IMMP2L: variants seen among roughly 807,000 people sequenced by gnomAD.
IMMP2L encodes the protein inner mitochondrial membrane peptidase subunit 2, also known as mitochondrial inner membrane protease subunit 2.
IMMP2L carries 18 observed loss-of-function variants against 19.3 expected under a neutral mutation model. The ratio of observed to expected loss-of-function variants is 0.93; its 90% CI spans 0.64 to 1.38. The LOEUF (loss-of-function observed/expected upper bound fraction) is 1.38, where lower values mean the gene tolerates loss of function less well. Among genes scored for constraint, IMMP2L ranks in the 40% most tolerant of loss-of-function variants. The pLI is 0.00. For missense variants in IMMP2L, 233 were observed against 218.2 expected (o/e 1.07, Z -0.43); for synonymous variants, 76 against 73.0 (o/e 1.04, Z -0.21).
chr7:111,537,106 A>C (rs1847956137), intron 1 of IMMP2L, among the ~76,000 whole-genome samples: 1 of 152,182 alleles, frequency 6.6e-6, no homozygotes, highest in Admixed American at 6.5e-5. Flanking sequence ...CAGTTTCTAT[A>C]CCGAAAGAGT....
At chr7:110,725,286 A>G (rs1322257274) in intron 5 of IMMP2L, among the ~76,000 whole-genome samples, 2 of 152,154 alleles carry the variant, frequency 1.3e-5, no homozygotes, top group Non-Finnish European at 2.9e-5. Context: ...TTTAGTTACT[A>G]AAGAAATTCT....
At chr7:111,028,816 A>G (rs538646685) in intron 3 of IMMP2L, among the ~76,000 whole-genome samples, 1 of 152,310 alleles carries the variant, frequency 6.6e-6, no homozygotes, top group Admixed American at 6.5e-5. Flanking sequence ...AATGACATAC[A>G]TCTGCATATA....
chr7:110,778,821 A>G (rs1417271766), intron 5 of IMMP2L, among the ~76,000 whole-genome samples: 1 of 151,886 alleles, frequency 6.6e-6, no homozygotes, highest in Non-Finnish European at 1.5e-5. Context: ...GTGTTGGAAA[A>G]TGTTTAACAC....
At chr7:111,294,486 C>A (rs914662201) in intron 3 of IMMP2L, among the ~76,000 whole-genome samples, 2 of 151,800 alleles carry the variant, frequency 1.3e-5, no homozygotes, top group Non-Finnish European at 2.9e-5. Flanking sequence ...GTAAAAATAA[C>A]CCTTATATCT....
intron 5 of IMMP2L, among the ~76,000 whole-genome samples, chr7:110,766,975 GA>G (rs1798707870): frequency 6.6e-6 from 1 of 152,100 alleles, no homozygotes; most frequent in African/African-American, 2.4e-5. Flanking sequence ...CTGTCTGCGT[GA>G]GGGGAGAAAA....
At chr7:110,715,350 GT>G (rs1363589908) in intron 5 of IMMP2L, among the ~76,000 whole-genome samples, 8 of 152,202 alleles carry the variant, frequency 5.3e-5, no homozygotes, top group African/African-American at 1.9e-4. Flanking sequence ...TCCTGTAGGT[GT>G]GATGTTATAT....
intron 3 of IMMP2L, among the ~76,000 whole-genome samples, chr7:111,340,585 G>A (rs1170515376): frequency 1.3e-5 from 2 of 151,882 alleles, no homozygotes; most frequent in Non-Finnish European, 2.9e-5. Context: ...ACATATCCTA[G>A]GTCCCAGGAA....
At chr7:111,026,935 A>C (rs890961682) in intron 3 of IMMP2L, among the ~76,000 whole-genome samples, 2 of 152,100 alleles carry the variant, frequency 1.3e-5, no homozygotes, top group Admixed American at 1.3e-4. Flanking sequence ...GGGGCCTTAC[A>C]AAAGACGTAA....
intron 5 of IMMP2L, among the ~76,000 whole-genome samples, chr7:110,680,058 A>C (rs1467807683): frequency 6.6e-6 from 1 of 152,192 alleles, no homozygotes; most frequent in Non-Finnish European, 1.5e-5. Context: ...TTCCCCAAAA[A>C]AGGCAGAAAC....
At chr7:110,991,116 A>T (rs1822405559) in intron 3 of IMMP2L, among the ~76,000 whole-genome samples, 1 of 152,200 alleles carries the variant, frequency 6.6e-6, no homozygotes, top group African/African-American at 2.4e-5. Context: ...CACATCATTT[A>T]GGATGATCAA....
intron 4 of IMMP2L, among the ~76,000 whole-genome samples, chr7:110,957,273 C>A (rs1470641050): frequency 1.3e-5 from 2 of 151,744 alleles, no homozygotes; most frequent in Non-Finnish European, 2.9e-5. Context: ...TTTGCCTTGT[C>A]AATATAATCT....
At chr7:110,934,975 G>T (rs259015) in intron 4 of IMMP2L, among the ~76,000 whole-genome samples, 82,880 of 151,996 alleles carry the variant, frequency 0.55, 24,298 homozygotes, top group East Asian at 0.85. Flanking sequence ...GTCTTTTAAC[G>T]GGGGCATTTA....
chr7:110,694,215 G>C (rs1376342511), intron 5 of IMMP2L, among the ~76,000 whole-genome samples: 2 of 152,076 alleles, frequency 1.3e-5, no homozygotes, highest in Non-Finnish European at 2.9e-5. Flanking sequence ...TAACATACAA[G>C]TGAATAGTTG....
rs549331063 is a variant in IMMP2L, at chr7:111,392,678, C to T, written c.239+94560G>A. 231 of 443,618 alleles carry T rather than the reference C, an allele frequency of 5.2e-4. 1 individual carries two copies. Among genetic ancestry groups the T allele is most frequent in the South Asian group, 1.7e-3 (109 of 62,500 alleles). 27.5% of individuals were successfully genotyped at this position (443,618 alleles called of 1,614,324 possible). On this transcript the variant is annotated intron_variant, in intron 3 of 5. Coordinates refer to ENST00000405709, the MANE Select transcript of IMMP2L (RefSeq NM_032549.4). ...AGTGCTCAGTCCCACAAATCAAGGT[C>T]CCTAGGTTACACACACTTCTGTCCA...
chr7:111,480,472 CATTTT>C (rs960279497), intron 3 of IMMP2L, among the ~76,000 whole-genome samples: 6 of 151,872 alleles, frequency 4.0e-5, no homozygotes, highest in Admixed American at 3.9e-4. Flanking sequence ...TATACTATCT[CATTTT>C]ATTTATTTTA....
chr7:111,366,354 AAAAG>A (rs1458254424), intron 3 of IMMP2L, among the ~76,000 whole-genome samples: 4 of 151,836 alleles, frequency 2.6e-5, no homozygotes, highest in South Asian at 4.2e-4. Flanking sequence ...GAAAAAAAAA[AAAAG>A]AAAGAGCAAG....
At chr7:110,739,209 C>T (rs1482411061) in intron 5 of IMMP2L, among the ~76,000 whole-genome samples, 1 of 152,152 alleles carries the variant, frequency 6.6e-6, no homozygotes, top group Non-Finnish European at 1.5e-5. Flanking sequence ...TAGTACCTCA[C>T]ATCTCAATAC....
At chr7:110,792,272 T>A (rs1338130721) in intron 5 of IMMP2L, among the ~76,000 whole-genome samples, 9 of 151,512 alleles carry the variant, frequency 5.9e-5, no homozygotes, top group African/African-American at 2.2e-4. Context: ...CATACTTACC[T>A]CCTAGAGTTA....
chr7:111,132,116 T>C (rs1222938261), intron 3 of IMMP2L, among the ~76,000 whole-genome samples: 4 of 151,992 alleles, frequency 2.6e-5, no homozygotes, highest in Admixed American at 2.6e-4. Flanking sequence ...TCTTTATTTG[T>C]CAAATTGCAG....
Sources: allele counts gnomAD v4.1 joint callset (sites outside exome capture counted in the v4.1 genomes callset), GRCh38; gene constraint gnomAD v4.1.1; transcripts MANE v1.5; gene names NCBI Gene and HGNC (gene_info 2026-07-23, HGNC 2026-07-21).